Variants in METTL16 observed in about 807,000 individuals in gnomAD.
METTL16 encodes the protein methyltransferase 16, RNA N6-adenosine.
METTL16 carries 19 observed loss-of-function variants against 57.9 expected under a neutral mutation model. The observed-to-expected ratio is 0.33, with a 90% CI of 0.23 to 0.48. The LOEUF is 0.48. Ranked by LOEUF, METTL16 falls within the 20% of genes least tolerant of loss-of-function variation. The pLI, the probability that METTL16 is intolerant of heterozygous loss-of-function variation, is 0.99. For synonymous variants in METTL16, 246 were observed against 255.6 expected (o/e 0.96, Z 0.36); for missense variants, 434 against 691.5 (o/e 0.63, Z 4.18).
chr17:2,441,424 C>T (rs1342918842), intron 7 of METTL16, 66 bp downstream of exon 7: 2 of 1,177,224 alleles, frequency 1.7e-6, no homozygotes, highest in Non-Finnish European at 2.4e-6. Context: ...TGTAGCAAAA[C>T]TGTACTTGTG....
chr17:2,483,833 C>CA (rs1442990851), intron 2 of METTL16, among the ~76,000 whole-genome samples: 1 of 152,154 alleles, frequency 6.6e-6, no homozygotes, highest in South Asian at 2.1e-4. Flanking sequence ...AAAAATGGGC[C>CA]AATTCCATTT....
At chr17:2,447,594 C>T (rs1303352333) in intron 6 of METTL16, among the ~76,000 whole-genome samples, 185 of 106,250 alleles carry the variant, frequency 1.7e-3, no homozygotes, top group Non-Finnish European at 2.3e-3. Flanking sequence ...GTCAGCCCCC[C>T]GCCCGGCCAG....
intron 1 of METTL16, among the ~76,000 whole-genome samples, chr17:2,507,523 C>T (rs1326643824): frequency 6.0e-5 from 9 of 148,804 alleles, no homozygotes; most frequent in South Asian, 2.1e-4. Flanking sequence ...GCCCCCCGCC[C>T]GGCCAGCCGC....
At chr17:2,452,351 G>T (rs1291683630) in intron 6 of METTL16, among the ~76,000 whole-genome samples, 1 of 152,068 alleles carries the variant, frequency 6.6e-6, no homozygotes, top group African/African-American at 2.4e-5. Context: ...GCTGTTTTCA[G>T]CAACAGTTGT....
Position 2,445,930 on chromosome 17 carries a change from A to C in METTL16, c.729-4371T>G, listed in dbSNP as rs570338307. Among the ~76,000 whole-genome samples the C allele has an allele frequency of 2.6e-5, 4 of 152,294 alleles. No homozygotes were observed. The East Asian group carries it at 7.7e-4, about 29-fold the overall frequency. On this transcript the variant is annotated intron_variant, in intron 6 of 9. Transcript: ENST00000263092. ...ATTATAACCAAGGGGCATTTACTAC[A>C]AGAAGGCAAGGCTGGTTTAATATTC...
At position 2,441,475 on chromosome 17, in the gene METTL16, A is replaced by C. The variant is rs779455907; in HGVS notation, c.798+15T>G. Reference sequence around the variant, plus strand: ...GAAAAGTAGCTACACGAGAACAGTAATGAGGAAGCCTCACCCCTTGTATGC... The same window carrying C: ...GAAAAGTAGCTACACGAGAACAGTACTGAGGAAGCCTCACCCCTTGTATGC... On this transcript the variant is annotated intron_variant, in intron 7 of 9. Transcript: ENST00000263092. 4 of 1,569,860 alleles carry C rather than the reference A, an allele frequency of 2.5e-6. No individual in the cohort carries two copies. In the East Asian group the frequency reaches 9.2e-5, roughly 36 times the overall value.
At chr17:2,492,508 C>A (rs892065599) in intron 2 of METTL16, among the ~76,000 whole-genome samples, 1 of 152,156 alleles carries the variant, frequency 6.6e-6, no homozygotes, top group Non-Finnish European at 1.5e-5. Context: ...TCATTCTACA[C>A]AACTGCTAAC....
At chr17:2,489,301 C>A (rs1312439228) in intron 2 of METTL16, among the ~76,000 whole-genome samples, 5 of 151,952 alleles carry the variant, frequency 3.3e-5, no homozygotes, top group Non-Finnish European at 5.9e-5. Context: ...GAGCAACTAA[C>A]AGAAAAGAAA....
In METTL16 at chr17:2,420,871, G is replaced by A. The variant is rs2066760618; in HGVS notation, c.922C>T (p.Pro308Ser). The change falls in exon 9 of 10, where the codon CCG (proline) becomes TCG (serine). Residue 308 changes from proline (P) to serine (S), a missense_variant. By Grantham distance (74) the Pro-to-Ser change is moderately conservative. Coordinates refer to ENST00000263092, the MANE Select transcript of METTL16 (RefSeq NM_024086.4). This position sits in a 1 kb window ranked among gnomAD's most constrained non-coding sequence, Gnocchi z 5.4. ...PPSKRRKLEK[P>S]RKPITFVVLA... Reference sequence around the variant, plus strand: ...ACCACGAATGTTATGGGTTTTCTCGGTTTCTCTAATTTTCTTCGCTTACTT... The same window carrying A: ...ACCACGAATGTTATGGGTTTTCTCGATTTCTCTAATTTTCTTCGCTTACTT... 3 of 1,613,740 alleles carry A rather than the reference G, an allele frequency of 1.9e-6. No individual in the cohort carries two copies. Among genetic ancestry groups the A allele is most frequent in the South Asian group, 2.2e-5 (2 of 91,002 alleles).
At chr17:2,432,090 G>T (rs558509656) in intron 8 of METTL16, among the ~76,000 whole-genome samples, 4 of 152,194 alleles carry the variant, frequency 2.6e-5, no homozygotes, top group African/African-American at 9.6e-5. Flanking sequence ...GACTATAGGC[G>T]CGCACCACCA....
At chr17:2,445,699 T>C (rs914816815) in intron 6 of METTL16, among the ~76,000 whole-genome samples, 1 of 151,790 alleles carries the variant, frequency 6.6e-6, no homozygotes, top group African/African-American at 2.4e-5. Flanking sequence ...GACAGGAGAA[T>C]TGCTTGAACC....
Position 2,509,145 on chromosome 17 carries a change from T to C in METTL16, c.-1+2614A>G, listed in dbSNP as rs142425305. The stretch of plus-strand genomic sequence containing the variant: ...CTTCAGTTTACTACTGGGTGTGTAA[T>C]TAATTTGCATATGTCACACATAGAC... On this transcript the variant is annotated intron_variant, in intron 1 of 9. Transcript: ENST00000263092. Among the ~76,000 whole-genome samples, 376 of 152,334 alleles carry C rather than the reference T, an allele frequency of 2.5e-3. 2 individuals are homozygous for C. The highest frequency in any genetic ancestry group is 8.7e-3 in the African/African-American group (363 of 41,586).
At chr17:2,423,299 TG>T (rs2066782308) in intron 8 of METTL16, among the ~76,000 whole-genome samples, 1 of 144,746 alleles carries the variant, frequency 6.9e-6, no homozygotes, top group Non-Finnish European at 1.5e-5. Flanking sequence ...TGTGTGTGTG[TG>T]TGTTTGAAGA....
intron 6 of METTL16, among the ~76,000 whole-genome samples, chr17:2,452,417 G>A (rs2067078028): frequency 1.3e-5 from 2 of 151,980 alleles, no homozygotes; most frequent in Admixed American, 6.6e-5. Flanking sequence ...TATTTTAGCT[G>A]CACATTTTAA....
At chr17:2,501,630 T>C (rs148481531) in intron 2 of METTL16, among the ~76,000 whole-genome samples, 4,081 of 152,048 alleles carry the variant, frequency 0.027, 94 homozygotes, top group African/African-American at 0.067. Flanking sequence ...GAGGCCAAGG[T>C]GGGCGGATCA....
intron 3 of METTL16, among the ~76,000 whole-genome samples, chr17:2,477,184 T>A (rs981752416): frequency 8.5e-5 from 13 of 152,084 alleles, no homozygotes; most frequent in East Asian, 5.8e-4. Context: ...AATAAAAAAA[T>A]TTTTAAATTA....
chr17:2,441,424 C>A, intron 7 of METTL16, 66 bp downstream of exon 7: 1 of 1,177,220 alleles, frequency 8.5e-7, no homozygotes, highest in South Asian at 1.6e-5. Context: ...TGTAGCAAAA[C>A]TGTACTTGTG....
intron 2 of METTL16, among the ~76,000 whole-genome samples, chr17:2,500,692 TAACTCGC>T (rs2151579608): frequency 6.6e-6 from 1 of 152,378 alleles, no homozygotes; most frequent in Admixed American, 6.5e-5. Flanking sequence ...ATTCCCTCTG[TAACTCGC>T]AGAGTTGAGG....
At chr17:2,472,669 A>AT (rs1772553557) in intron 4 of METTL16, among the ~76,000 whole-genome samples, 2 of 152,330 alleles carry the variant, frequency 1.3e-5, no homozygotes, top group South Asian at 4.1e-4. Context: ...AATTAAAAGA[A>AT]TAAAAAAAAG....
Sources: allele counts gnomAD v4.1 joint callset (sites outside exome capture counted in the v4.1 genomes callset), GRCh38; gene constraint gnomAD v4.1.1; non-coding constraint Gnocchi (gnomAD v3.1); transcripts MANE v1.5; gene names NCBI Gene and HGNC (gene_info 2026-07-23, HGNC 2026-07-21).